Variants in AMZ1 observed in about 807,000 individuals in gnomAD.
AMZ1 encodes the protein archaelysin family metallopeptidase 1, also known as archaemetzincin-1.
AMZ1 carries 39 observed loss-of-function variants against 29.9 expected under a neutral mutation model. The ratio of observed to expected loss-of-function variants is 1.30; its 90% CI spans 1.01 to 1.70. The LOEUF is 1.70. Ranked by LOEUF, AMZ1 falls within the 40% of genes most tolerant of loss-of-function variation. The probability of loss-of-function intolerance (pLI) is 0.00; values close to 1 mark genes in which losing one functional copy is unlikely to be tolerated. For synonymous variants in AMZ1, 458 were observed against 304.0 expected (o/e 1.51, Z -5.27); for missense variants, 1,041 against 680.6 (o/e 1.53, Z -5.89).
rs1463242097 is a variant in AMZ1 at position 2,715,650 on chromosome 7, G to A, written c.*2772G>A. On this transcript the variant is annotated 3_prime_UTR_variant, in exon 7 of 7. Transcript: ENST00000683327. Reference sequence around the variant, plus strand: ...GTGAAATTTTTTAAGACAGCTGTTAGAAGGACTGTTTTGAAATGCAACTTT... The same window carrying A: ...GTGAAATTTTTTAAGACAGCTGTTAAAAGGACTGTTTTGAAATGCAACTTT... 1 of 151,960 alleles carries A rather than the reference G, an allele frequency of 6.6e-6. No homozygotes were observed. The highest frequency in any genetic ancestry group is 1.5e-5 in the Non-Finnish European group (1 of 68,022). The allele number at this position is 151,960 out of a possible 1,614,324, so 9.4% of individuals were successfully genotyped here. A position where few individuals can be genotyped will look rare whatever the true frequency, so the allele number is the denominator to read the frequency against.
intron 3 of AMZ1, among the ~76,000 whole-genome samples, chr7:2,703,251 C>A (rs565659702): frequency 6.6e-6 from 1 of 152,158 alleles, no homozygotes; most frequent in Admixed American, 6.5e-5. Flanking sequence ...GCAAGCGATT[C>A]TCCTGCCTCA....
At chr7:2,708,269 G>A (rs893449963) in intron 3 of AMZ1, among the ~76,000 whole-genome samples, 5 of 152,138 alleles carry the variant, frequency 3.3e-5, no homozygotes, top group Non-Finnish European at 5.9e-5. Flanking sequence ...TGGGGCTGTC[G>A]CTCAGCTGCT....
rs1017843396 is a variant in AMZ1, at chr7:2,708,567, C to A, written c.473-21C>A. ...GTCCCCGGCTGCCTCCTGACCCCAT[C>A]CTCTGGCCCTCTCCCCGCAGACGGC... On this transcript the variant is annotated intron_variant, in intron 3 of 6. Coordinates refer to ENST00000683327, the MANE Select transcript of AMZ1 (RefSeq NM_001384743.1). 3.1e-6 allele frequency: 5 copies of A among 1,610,964 alleles called. No individual in the cohort carries two copies. In the African/African-American group the frequency reaches 6.7e-5, roughly 22 times the overall value.
rs755172302 is a variant in AMZ1 at position 2,718,041 on chromosome 7, C to A, written c.*5163C>A. Among the ~76,000 whole-genome samples, 2 of 152,218 alleles carry A rather than the reference C, an allele frequency of 1.3e-5. No individual in the cohort carries two copies. The highest frequency in any genetic ancestry group is 4.8e-5 in the African/African-American group (2 of 41,456). On this transcript the variant is annotated 3_prime_UTR_variant, in exon 7 of 7. Transcript: ENST00000683327. ...CCTCAGAGGGTCCGCGGCAGCCAGG[C>A]CCGTCCAACCTCCTGCCCTCTCTGA...
At chr7:2,690,844 A>G (rs2115049615) in intron 1 of AMZ1, among the ~76,000 whole-genome samples, 1 of 152,204 alleles carries the variant, frequency 6.6e-6, no homozygotes, top group East Asian at 1.9e-4. Context: ...TTTTGGTAAA[A>G]AGAAGGCATT....
chr7:2,710,098 G>A (rs1029731718), intron 6 of AMZ1, among the ~76,000 whole-genome samples: 1 of 152,228 alleles, frequency 6.6e-6, no homozygotes, highest in African/African-American at 2.4e-5. Flanking sequence ...GTCAGGAAGA[G>A]CTGGCATTGG....
At chr7:2,704,888 G>A (rs1173971029) in intron 3 of AMZ1, among the ~76,000 whole-genome samples, 3 of 152,076 alleles carry the variant, frequency 2.0e-5, no homozygotes, top group East Asian at 1.9e-4. Context: ...GAGCCACTGC[G>A]CCCGGCCCAG....
At position 2,719,080 on chromosome 7, in the gene AMZ1, G is replaced by C. The variant is rs1789301462; in HGVS notation, c.*6202G>C. The stretch of plus-strand genomic sequence containing the variant: ...ACCACATTCTACCTGTGCCCTTCTG[G>C]GTGGGTGGTGGCCGTCCTCTTGGGC... On this transcript the variant is annotated 3_prime_UTR_variant, in exon 7 of 7. Transcript: ENST00000683327. Among the ~76,000 whole-genome samples, 1 of 151,918 alleles carries C rather than the reference G, an allele frequency of 6.6e-6. No homozygotes were observed. The highest frequency in any genetic ancestry group is 2.1e-4 in the South Asian group (1 of 4,812).
Position 2,709,797 on chromosome 7 carries a change from G to T in AMZ1, c.929G>T (p.Arg310Met), listed in dbSNP as rs780261999. The T allele has an allele frequency of 1.9e-5, 31 of 1,611,930 alleles. No individual in the cohort carries two copies. Among genetic ancestry groups the T allele is most frequent in the Non-Finnish European group, 2.6e-5 (31 of 1,179,832 alleles). ...LRKLQHVLGF[R>M]LIERYQRLYT... ...AAGCTGCAGCATGTCCTGGGTTTCA[G>T]GCTCATCGAGAGGTACCAGGTGAGT... The change falls in exon 6 of 7, where the codon AGG (arginine) becomes ATG (methionine). Residue 310 changes from arginine to methionine, a missense_variant. Physicochemically the swap from Arg to Met is moderately conservative, Grantham distance 91. Coordinates refer to ENST00000683327, the MANE Select transcript of AMZ1 (RefSeq NM_001384743.1).
intron 4 of AMZ1, among the ~76,000 whole-genome samples, chr7:2,725,115 G>A (rs566747718): frequency 3.9e-5 from 6 of 152,192 alleles, no homozygotes; most frequent in Admixed American, 1.3e-4. Context: ...TGGGTTCTGC[G>A]AGCGCACCCT....
rs1037016083 is a variant in AMZ1, at chr7:2,714,708, G to T, written c.*1830G>T. Reference sequence around the variant, plus strand: ...TGGAGACGGTTTGCCCCTGTGGCTCGACTGGAGTGTTCGTTCACACGGCTG... The same window carrying T: ...TGGAGACGGTTTGCCCCTGTGGCTCTACTGGAGTGTTCGTTCACACGGCTG... On this transcript the variant is annotated 3_prime_UTR_variant, in exon 7 of 7. Transcript: ENST00000683327. The T allele has an allele frequency of 6.6e-6, 1 of 152,198 alleles. No individual in the cohort carries two copies. Among genetic ancestry groups the T allele is most frequent in the Non-Finnish European group, 1.5e-5 (1 of 68,050 alleles). 9.4% of individuals were successfully genotyped at this position (152,198 alleles called of 1,614,324 possible). A position where few individuals can be genotyped will look rare whatever the true frequency, so the allele number is the denominator to read the frequency against.
upstream of AMZ1, among the ~76,000 whole-genome samples, chr7:2,683,415 G>GT (rs547372448): frequency 5.3e-5 from 8 of 151,962 alleles, no homozygotes; most frequent in South Asian, 4.2e-4. Context: ...TCAACTTTCT[G>GT]TTTTTTTGTT....
intron 1 of AMZ1, among the ~76,000 whole-genome samples, chr7:2,699,236 G>C (rs943983336): frequency 6.6e-6 from 1 of 152,144 alleles, no homozygotes; most frequent in Non-Finnish European, 1.5e-5. Context: ...CCAAGTGTGC[G>C]GTGACGACTC....
chr7:2,680,972 T>C (rs768882421), intron 1 of AMZ1, among the ~76,000 whole-genome samples: 47 of 152,290 alleles, frequency 3.1e-4, no homozygotes, highest in Non-Finnish European at 6.0e-4. Context: ...AATGGGGTAC[T>C]GACCCACAGG....
Position 2,712,769 on chromosome 7 carries a change from TGCGCAAGGTGCTGGGGGACAA to T in AMZ1, c.1390_1410del (p.Arg464_Lys470del), listed in dbSNP as rs1434018350. ...CCCAGCAGCAGGGACAGCGTGGGGC[TGCGCAAGGTGCTGGGGGACAA>T]GTTCTCCTCCCTGAGGAGGAAGCTG... On this transcript the variant is annotated inframe_deletion, in exon 7 of 7. Coordinates refer to ENST00000683327, the MANE Select transcript of AMZ1 (RefSeq NM_001384743.1). 1 of 1,591,058 alleles carries T rather than the reference TGCGCAAGGTGCTGGGGGACAA, an allele frequency of 6.3e-7. No individual in the cohort carries two copies.
intron 1 of AMZ1, among the ~76,000 whole-genome samples, chr7:2,692,620 G>A (rs535933894): frequency 7.2e-5 from 11 of 152,226 alleles, no homozygotes; most frequent in African/African-American, 2.6e-4. Context: ...AGCTTCAGGG[G>A]TTTCCTGGGC....
In AMZ1 at chr7:2,731,134, C is replaced by G; in HGVS notation, n.550+21318C>G. 2.3e-6 allele frequency: 3 copies of G among 1,315,228 alleles called. No individual in the cohort carries two copies. The highest frequency in any genetic ancestry group is 3.2e-6 in the Non-Finnish European group (3 of 931,846). The allele number at this position is 1,315,228 out of a possible 1,614,324, so 81.5% of individuals were successfully genotyped here. On this transcript the variant is annotated intron_variant and non_coding_transcript_variant, in intron 4 of 4. Transcript: ENST00000489665. This position sits in a 1 kb window ranked among gnomAD's most constrained non-coding sequence, Gnocchi z 6.0. ...AACACACACCCAAGAGTCTGACCGA[C>G]AGCCGTGGGGGCTGCTCAACGACGA...
At chr7:2,721,214 G>C (rs1443028435), downstream of AMZ1, among the ~76,000 whole-genome samples, 1 of 152,212 alleles carries the variant, frequency 6.6e-6, no homozygotes, top group Non-Finnish European at 1.5e-5. Context: ...GGAGGGTGGA[G>C]CTCAGGAGTG....
intron 1 of AMZ1, among the ~76,000 whole-genome samples, chr7:2,698,410 C>T (rs371770689): frequency 2.0e-4 from 30 of 151,914 alleles, no homozygotes; most frequent in Admixed American, 6.6e-4. Context: ...TGGTCGGGGG[C>T]ACCTGTAATC....
Sources: gnomAD v4.1 joint callset for allele counts (sites outside exome capture counted in the v4.1 genomes callset) on GRCh38, gnomAD v4.1.1 for gene constraint, Gnocchi (gnomAD v3.1) non-coding constraint, MANE v1.5 for transcripts, NCBI Gene and HGNC (gene_info 2026-07-23, HGNC 2026-07-21) for gene names.